POU6F2: variants seen among roughly 807,000 people sequenced by gnomAD.
The protein encoded by POU6F2 is POU class 6 homeobox 2.
POU6F2 carries 31 observed loss-of-function variants against 71.3 expected under a neutral mutation model. The ratio of observed to expected loss-of-function variants is 0.43; its 90% confidence interval spans 0.33 to 0.59. POU6F2 has a LOEUF of 0.59. Among genes scored for constraint, POU6F2 ranks in the 20% least tolerant of loss-of-function variants. POU6F2 has a pLI of 0.04. For synonymous variants in POU6F2, 347 were observed against 355.7 expected, an observed-to-expected ratio of 0.98 and a Z score of 0.27; for missense variants, 783 against 856.8, an observed-to-expected ratio of 0.91 and a Z score of 1.07.
intron 2 of POU6F2, among the ~76,000 whole-genome samples, chr7:39,196,691 G>C (rs1793793005): frequency 6.6e-6 from 1 of 152,020 alleles, no homozygotes; most frequent in Non-Finnish European, 1.5e-5. Flanking sequence ...CCCAGGAGAT[G>C]GAAGTTGCAG....
intron 4 of POU6F2, among the ~76,000 whole-genome samples, chr7:39,241,028 G>A (rs1027365320): frequency 2.0e-5 from 3 of 151,994 alleles, no homozygotes; most frequent in Non-Finnish European, 4.4e-5. Context: ...GACTCACCTT[G>A]TGGTTGCCAA....
At chr7:39,047,462 TG>T (rs1266427201) in intron 1 of POU6F2, among the ~76,000 whole-genome samples, 4 of 152,052 alleles carry the variant, frequency 2.6e-5, no homozygotes, top group South Asian at 2.1e-4. Context: ...TTTTGTTTTA[TG>T]TTACTATTGT....
intron 2 of POU6F2, among the ~76,000 whole-genome samples, chr7:39,111,954 G>A (rs1464255472): frequency 6.6e-6 from 1 of 152,114 alleles, no homozygotes; most frequent in Non-Finnish European, 1.5e-5. Flanking sequence ...AATTTGTCAT[G>A]ATGCAAGAAG....
chr7:39,303,305 G>A (rs963803130), intron 4 of POU6F2, among the ~76,000 whole-genome samples: 6 of 151,986 alleles, frequency 3.9e-5, no homozygotes, highest in East Asian at 1.9e-4. Flanking sequence ...CCTCCGCCGC[G>A]CCTGGCTAAT....
At chr7:39,238,426 C>A (rs574496658) in intron 4 of POU6F2, among the ~76,000 whole-genome samples, 1 of 152,226 alleles carries the variant, frequency 6.6e-6, no homozygotes, top group South Asian at 2.1e-4. Context: ...CATCTACCAC[C>A]TGTTTTTCTA....
chr7:39,041,010 C>T (rs1462262710), intron 1 of POU6F2, among the ~76,000 whole-genome samples: 1 of 151,914 alleles, frequency 6.6e-6, no homozygotes, highest in Non-Finnish European at 1.5e-5. Flanking sequence ...GTGCTTGAAT[C>T]GAGCCATGGT....
At chr7:39,083,836 T>C (rs941778871) in intron 1 of POU6F2, 2 of 152,104 alleles carry the variant, frequency 1.3e-5, no homozygotes, top group Non-Finnish European at 2.9e-5. Flanking sequence ...GGGAAAACAA[T>C]GGAGAAATGT....
chr7:39,027,362 G>A (rs919806842), intron 1 of POU6F2, among the ~76,000 whole-genome samples: 2 of 152,110 alleles, frequency 1.3e-5, no homozygotes, highest in East Asian at 3.9e-4. Flanking sequence ...TCACACTGAT[G>A]TTATGCGGTG....
At chr7:39,174,267 T>A (rs1021619498) in intron 2 of POU6F2, among the ~76,000 whole-genome samples, 3 of 152,238 alleles carry the variant, frequency 2.0e-5, no homozygotes, top group Non-Finnish European at 4.4e-5. Flanking sequence ...ACAGGCAGGC[T>A]GTCTTCAGGC....
At chr7:39,411,532 A>T (rs191980814) in intron 6 of POU6F2, among the ~76,000 whole-genome samples, 2 of 151,950 alleles carry the variant, frequency 1.3e-5, no homozygotes, top group Admixed American at 6.6e-5. Flanking sequence ...AAGCCAGTCA[A>T]GGGGGGGGAA....
At chr7:39,297,481 C>T (rs1784872277) in intron 4 of POU6F2, among the ~76,000 whole-genome samples, 2 of 152,282 alleles carry the variant, frequency 1.3e-5, no homozygotes, top group South Asian at 4.1e-4. Context: ...TATCTGACTA[C>T]TACTTGAACC....
intron 2 of POU6F2, among the ~76,000 whole-genome samples, chr7:39,126,744 G>T (rs563887337): frequency 3.9e-5 from 6 of 152,224 alleles, no homozygotes; most frequent in Middle Eastern, 6.8e-3. Context: ...AACCAATAGC[G>T]TATGTAATTT....
chr7:39,002,510 G>T (rs1788943559), intron 1 of POU6F2, among the ~76,000 whole-genome samples: 2 of 152,170 alleles, frequency 1.3e-5, no homozygotes, highest in Non-Finnish European at 2.9e-5. Flanking sequence ...GCTATGCCTG[G>T]CTAATTTTTA....
chr7:39,371,982 C>T (rs945523570), intron 5 of POU6F2, among the ~76,000 whole-genome samples: 3 of 152,196 alleles, frequency 2.0e-5, no homozygotes, highest in Non-Finnish European at 4.4e-5. Context: ...GTGATGCAAT[C>T]ATGGCTCACT....
intron 1 of POU6F2, among the ~76,000 whole-genome samples, chr7:39,000,715 A>G (rs1788881067): frequency 6.6e-6 from 1 of 152,206 alleles, no homozygotes; most frequent in Admixed American, 6.5e-5. Flanking sequence ...TTTTGTTTAT[A>G]GAGTATCTAG....
chr7:39,259,047 C>T (rs994851298), intron 4 of POU6F2, among the ~76,000 whole-genome samples: 2 of 152,136 alleles, frequency 1.3e-5, no homozygotes, highest in African/African-American at 4.8e-5. Flanking sequence ...GCTCATGTAA[C>T]TTGTTTAATC....
In POU6F2 at chr7:39,460,418, C is replaced by A; in HGVS notation, c.1490-129C>A. On this transcript the variant is annotated intron_variant, in intron 8 of 9. Transcript: ENST00000518318. This position sits in a 1 kb window ranked among gnomAD's most constrained non-coding sequence, Gnocchi z 4.4. ...TGTCTCACCTGGGAGACAAAGCGAA[C>A]ATTCTCTGAGGTTGGTTTCCTCACT... is the stretch of plus-strand genomic sequence containing the variant. 1 of 992,216 alleles carries A rather than the reference C, an allele frequency of 1.0e-6. No individual in the cohort carries two copies. The highest frequency in any genetic ancestry group is 1.5e-6 in the Non-Finnish European group (1 of 672,274). The allele number at this position is 992,216 out of a possible 1,614,324, so 61.5% of individuals were successfully genotyped here.
intron 5 of POU6F2, among the ~76,000 whole-genome samples, chr7:39,384,015 A>T (rs1280682859): frequency 2.6e-5 from 4 of 152,236 alleles, no homozygotes; most frequent in African/African-American, 9.6e-5. Context: ...GGCAACCCAG[A>T]TAGGGGTCTC....
At chr7:39,399,871 AG>A (rs60216245) in intron 5 of POU6F2, among the ~76,000 whole-genome samples, 67,528 of 148,012 alleles carry the variant, frequency 0.46, 15,857 homozygotes, top group East Asian at 0.73. Flanking sequence ...AAAAAAAAAA[AG>A]AAAGAAAGAA....
Sources: gnomAD v4.1 joint callset for allele counts (sites outside exome capture counted in the v4.1 genomes callset) on GRCh38, gnomAD v4.1.1 for gene constraint, Gnocchi (gnomAD v3.1) non-coding constraint, MANE v1.5 for transcripts, NCBI Gene and HGNC (gene_info 2026-07-23, HGNC 2026-07-21) for gene names.